Variants in PISD observed in about 807,000 individuals in gnomAD.
PISD encodes the protein phosphatidylserine decarboxylase.
A neutral mutation model predicts 43.5 loss-of-function variants in PISD; 31 were observed. The observed-to-expected ratio is 0.71, with a 90% CI of 0.54 to 0.96. The LOEUF (loss-of-function observed/expected upper bound fraction) is 0.96, where lower values mean the gene tolerates loss of function less well. PISD is among the 40% of genes least tolerant of loss of function. The pLI is 0.00. For missense variants in PISD, 523 were observed against 548.4 expected (o/e 0.95, Z 0.46); for synonymous variants, 259 against 228.7 (o/e 1.13, Z -1.20).
At chr22:31,637,167 ATATATATAT>A (rs2073519030) in intron 3 of PISD, among the ~76,000 whole-genome samples, 1 of 19,226 alleles carries the variant, frequency 5.2e-5, no homozygotes, top group Non-Finnish European at 8.4e-5. Context: ...AAAAAAAAAT[ATATATATAT>A]ATATATATAT....
At chr22:31,641,784 C>T (rs1309851983) in intron 3 of PISD, among the ~76,000 whole-genome samples, 1 of 151,052 alleles carries the variant, frequency 6.6e-6, no homozygotes, top group South Asian at 2.1e-4. Flanking sequence ...CGCGCCACTG[C>T]ACTCCAGCCT....
chr22:31,658,722 G>T (rs538170039), intron 1 of PISD, among the ~76,000 whole-genome samples: 14 of 152,098 alleles, frequency 9.2e-5, no homozygotes, highest in African/African-American at 3.4e-4. Context: ...TTGCGGAGAG[G>T]AGGTCTCACT....
At chr22:31,620,947 T>TA (rs771154614) in intron 6 of PISD, 49 bp downstream of exon 6, 1 of 1,566,302 alleles carries the variant, frequency 6.4e-7, no homozygotes, top group Non-Finnish European at 8.6e-7. Context: ...TGAGAGCCTC[T>TA]ATATGAAGCC....
intron 3 of PISD, chr22:31,632,264 C>T: frequency 4.1e-6 from 4 of 984,786 alleles, no homozygotes; most frequent in Non-Finnish European, 4.8e-6. Context: ...TAGGGTCCTC[C>T]TCCATGGATT....
At chr22:31,619,968 T>G (rs956124773) in intron 7 of PISD, 132 bp from the exon 8 acceptor site, 1 of 651,154 alleles carries the variant, frequency 1.5e-6, no homozygotes, top group Admixed American at 2.9e-5. Flanking sequence ...AAAAGGGAGG[T>G]GGGGATGGCA....
At chr22:31,657,370 C>T (rs900551728) in intron 1 of PISD, among the ~76,000 whole-genome samples, 1 of 151,908 alleles carries the variant, frequency 6.6e-6, no homozygotes, top group Non-Finnish European at 1.5e-5. Flanking sequence ...CTCCTGACCT[C>T]GTGATCCACC....
At chr22:31,624,788 C>T (rs1405533688) in intron 3 of PISD, among the ~76,000 whole-genome samples, 1 of 151,846 alleles carries the variant, frequency 6.6e-6, no homozygotes, top group South Asian at 2.1e-4. Context: ...TGCATCCAGC[C>T]TCTCTGTGAT....
At chr22:31,647,981 GAC>G in intron 3 of PISD, 118 bp downstream of exon 3, 1 of 854,066 alleles carries the variant, frequency 1.2e-6, no homozygotes, top group Non-Finnish European at 1.8e-6. Flanking sequence ...ACCTACTGGA[GAC>G]ATGAGTTCCA....
intron 3 of PISD, among the ~76,000 whole-genome samples, chr22:31,638,047 C>T (rs1336657183): frequency 6.6e-6 from 1 of 152,236 alleles, no homozygotes; most frequent in Non-Finnish European, 1.5e-5. Context: ...TCGGGCCAGG[C>T]CCTCTGTCCT....
chr22:31,661,672 C>T (rs2074320527), intron 1 of PISD, among the ~76,000 whole-genome samples: 1 of 152,142 alleles, frequency 6.6e-6, no homozygotes, highest in Non-Finnish European at 1.5e-5. Flanking sequence ...CAAGGGTAAC[C>T]AAGACTCTAG....
intron 5 of PISD, 90 bp downstream of exon 5, chr22:31,621,244 C>T: frequency 6.2e-7 from 1 of 1,609,222 alleles, no homozygotes; most frequent in South Asian, 1.1e-5. Flanking sequence ...CCCCACATGC[C>T]AGCCTCAGTT....
At chr22:31,640,706 G>A (rs34399834) in intron 3 of PISD, among the ~76,000 whole-genome samples, 4,535 of 134,094 alleles carry the variant, frequency 0.034, 118 homozygotes, top group Non-Finnish European at 0.046. Context: ...TCAGCCTCCC[G>A]AGTAGCAGGG....
Position 31,621,834 on chromosome 22 carries a change from G to A in PISD, c.373C>T (p.Arg125Cys), listed in dbSNP as rs951411782. The A allele has an allele frequency of 3.7e-6, 6 of 1,612,634 alleles. No individual in the cohort carries two copies. The highest frequency in any genetic ancestry group is 5.1e-6 in the Non-Finnish European group (6 of 1,180,032). Residue 125 changes from arginine to cysteine, a missense_variant, in exon 4 of 8, where the codon CGC becomes TGC. Physicochemically the swap from Arg to Cys is radical, Grantham distance 180. Coordinates refer to ENST00000439502, the MANE Select transcript of PISD (RefSeq NM_001326411.2). ...TGTGGCAGCTCCACCTGATTGAGGC[G>A]ACCCCAGGCCCGTGACAGCAAGCGC... ...PTRLLSRAWG[R>C]LNQVELPHWL...
intron 3 of PISD, among the ~76,000 whole-genome samples, chr22:31,626,617 G>A (rs1209362342): frequency 6.6e-6 from 1 of 152,080 alleles, no homozygotes; most frequent in African/African-American, 2.4e-5. Context: ...CTGGGGCTGG[G>A]AACAGGCCAG....
intron 1 of PISD, among the ~76,000 whole-genome samples, chr22:31,658,855 CTTT>C (rs112877920): frequency 1.1e-3 from 125 of 118,576 alleles, no homozygotes; most frequent in Admixed American, 4.1e-3. Flanking sequence ...TTTTCTTTTT[CTTT>C]TTTTTTTTTT....
chr22:31,621,368 C>A lies in PISD; in HGVS notation c.663G>T (p.Pro221=), dbSNP rs780487520. The A allele has an allele frequency of 1.2e-6, 2 of 1,614,048 alleles. No homozygotes were observed. The highest frequency in any genetic ancestry group is 1.7e-6 in the Non-Finnish European group (2 of 1,179,996). ...VTYSLESFLG[P]RMCTEDLPFP... Reference sequence around the variant, plus strand: ...AGGGCAGGTCCTCTGTGCACATACGCGGGCCCAGGAACGACTCCAGGGAGT... The same window carrying A: ...AGGGCAGGTCCTCTGTGCACATACGAGGGCCCAGGAACGACTCCAGGGAGT... The change falls in exon 5 of 8, where the codon CCG becomes CCT. Residue 221 remains proline, a synonymous_variant. Coordinates refer to ENST00000439502, the MANE Select transcript of PISD (RefSeq NM_001326411.2).
rs148132314 is a variant in PISD, at chr22:31,655,627, T to TTTTTG, written c.66-4854_66-4850dup. On this transcript the variant is annotated intron_variant, in intron 1 of 7. Transcript: ENST00000439502. Reference sequence around the variant, plus strand: ...AGCCACTGCACCAGGCCAGGACTCGTTTTTGTTTTGTTTTGTTTTGTTTTT... The same window carrying TTTTTG: ...AGCCACTGCACCAGGCCAGGACTCGTTTTTGTTTTGTTTTGTTTTGTTTTGTTTTT... Among the ~76,000 whole-genome samples the TTTTTG allele has an allele frequency of 1.7e-4, 25 of 148,766 alleles. No individual in the cohort carries two copies. The East Asian group carries it at 4.0e-3, about 24-fold the overall frequency.
intron 3 of PISD, among the ~76,000 whole-genome samples, chr22:31,638,099 C>A (rs1020874075): frequency 6.6e-5 from 10 of 152,196 alleles, no homozygotes; most frequent in Non-Finnish European, 7.3e-5. Context: ...GCTCTGTGGC[C>A]ACTCAGGCAG....
intron 3 of PISD, among the ~76,000 whole-genome samples, chr22:31,646,062 C>A (rs927191443): frequency 6.6e-6 from 1 of 151,900 alleles, no homozygotes; most frequent in Middle Eastern, 3.2e-3. Context: ...CAAGTCCAGA[C>A]CATTTCCCCC....
Sources: gnomAD v4.1 joint callset for allele counts (sites outside exome capture counted in the v4.1 genomes callset) on GRCh38, gnomAD v4.1.1 for gene constraint, MANE v1.5 for transcripts, NCBI Gene and HGNC (gene_info 2026-07-23, HGNC 2026-07-21) for gene names.